The following DLGAP2 variants were observed in gnomAD, a reference collection of about 807,000 sequenced individuals.
DLGAP2 encodes DLG associated protein 2, also known as disks large-associated protein 2.
DLGAP2 carries 26 observed loss-of-function variants against 100.3 expected under a neutral mutation model. The ratio of observed to expected loss-of-function variants is 0.26; its 90% CI spans 0.19 to 0.36. The LOEUF (loss-of-function observed/expected upper bound fraction) is 0.36. DLGAP2 is among the 10% of genes least tolerant of loss of function. The pLI is 1.00. For missense variants in DLGAP2, 1,858 were observed against 1,453.2 expected (o/e 1.28, Z -4.53); for synonymous variants, 886 against 630.1 (o/e 1.41, Z -6.08).
rs67410338 is a variant in DLGAP2 at position 1,537,061 on chromosome 8, CTGGTATGTGGTATG to C, written c.173-11546_173-11533del. ...CAGGAAGTCTCCCAAGGCAGCACCA[CTGGTATGTGGTATG>C]TGGTATGTGGTATGTGGTGTGTGGT... On this transcript the variant is annotated intron_variant, in intron 4 of 14. Transcript: ENST00000637795. Among the ~76,000 whole-genome samples, 221 of 150,656 alleles carry C rather than the reference CTGGTATGTGGTATG, an allele frequency of 1.5e-3. 11 individuals are homozygous for C. In the South Asian group the frequency reaches 0.044, roughly 30 times the overall value.
Position 1,247,775 on chromosome 8 carries a change from G to A in DLGAP2, c.74-11076G>A, listed in dbSNP as rs367748027. On this transcript the variant is annotated intron_variant, in intron 2 of 14. Coordinates refer to ENST00000637795, the MANE Select transcript of DLGAP2 (RefSeq NM_001346810.2). ...GATCAGTGTGGGAGTGATGGCCCAC[G>A]TCGGTGGCCGGGAAGACCTTTGAGA... Among the ~76,000 whole-genome samples, 20 of 5,072 alleles carry A rather than the reference G, an allele frequency of 3.9e-3. 5 individuals are homozygous for A. Among genetic ancestry groups the A allele is most frequent in the South Asian group, 0.01 (2 of 194 alleles). The allele number at this position is 5,072 out of a possible 152,430, so 3.3% of individuals were successfully genotyped here. A position where few individuals can be genotyped will look rare whatever the true frequency, so the allele number is the denominator to read the frequency against.
intron 12 of DLGAP2, among the ~76,000 whole-genome samples, chr8:1,683,595 A>G (rs1799015381): frequency 6.7e-6 from 1 of 149,918 alleles, no homozygotes; most frequent in African/African-American, 2.5e-5. Flanking sequence ...TGCCTCACAC[A>G]TCGCCTGGCA....
intron 2 of DLGAP2, among the ~76,000 whole-genome samples, chr8:952,173 C>T (rs1018598572): frequency 6.6e-6 from 1 of 152,168 alleles, no homozygotes; most frequent in East Asian, 1.9e-4. Flanking sequence ...TAAAATAATC[C>T]GACCCATTTT....
At chr8:1,427,534 C>T (rs936119032) in intron 3 of DLGAP2, among the ~76,000 whole-genome samples, 1 of 152,164 alleles carries the variant, frequency 6.6e-6, no homozygotes, top group Admixed American at 6.5e-5. Flanking sequence ...TTGGCTGTGT[C>T]CCTACCCAAA....
chr8:875,460 T>G (rs563156179), intron 1 of DLGAP2, among the ~76,000 whole-genome samples: 34 of 152,288 alleles, frequency 2.2e-4, no homozygotes, highest in African/African-American at 7.7e-4. Context: ...TCTCATGAGA[T>G]CTGGTGATTT....
At chr8:823,128 G>C (rs909470939) in intron 1 of DLGAP2, among the ~76,000 whole-genome samples, 1 of 152,006 alleles carries the variant, frequency 6.6e-6, no homozygotes, top group African/African-American at 2.4e-5. Flanking sequence ...TCACTTGGTG[G>C]CAGCTTCACA....
chr8:983,854 G>C (rs1431117682), intron 2 of DLGAP2, among the ~76,000 whole-genome samples: 1 of 152,116 alleles, frequency 6.6e-6, no homozygotes, highest in Non-Finnish European at 1.5e-5. Context: ...TGCCCAGGCT[G>C]GTCTTGAACT....
chr8:1,070,865 C>A (rs1389090749), intron 2 of DLGAP2, among the ~76,000 whole-genome samples: 1 of 152,220 alleles, frequency 6.6e-6, no homozygotes, highest in Non-Finnish European at 1.5e-5. Flanking sequence ...CTCGCCCTCA[C>A]TCTCCAGACC....
rs556590876 is a variant in DLGAP2 at position 1,024,880 on chromosome 8, C to A, written c.73+116914C>A. Among the ~76,000 whole-genome samples, 7 of 152,276 alleles carry A rather than the reference C, an allele frequency of 4.6e-5. No individual in the cohort carries two copies. The South Asian group carries it at 1.5e-3, about 32-fold the overall frequency. On this transcript the variant is annotated intron_variant, in intron 2 of 14. Transcript: ENST00000637795. Reference sequence around the variant, plus strand: ...CATTTCCCAACTGCAGCCCTTGATCCTTGTAATAAGGGGAAGCTGGGATAG... The same window carrying A: ...CATTTCCCAACTGCAGCCCTTGATCATTGTAATAAGGGGAAGCTGGGATAG...
At chr8:1,559,903 C>G (rs1033647707) in intron 5 of DLGAP2, among the ~76,000 whole-genome samples, 1 of 152,192 alleles carries the variant, frequency 6.6e-6, no homozygotes, top group Non-Finnish European at 1.5e-5. Flanking sequence ...TAAACCCGGA[C>G]CTCACCCCAG....
chr8:1,444,228 G>A (rs527610225), intron 3 of DLGAP2, among the ~76,000 whole-genome samples: 1 of 152,272 alleles, frequency 6.6e-6, no homozygotes, highest in East Asian at 1.9e-4. Flanking sequence ...TGGGATTATA[G>A]GCATGAGTCA....
rs563371723 is a variant in DLGAP2 at position 1,018,984 on chromosome 8, G to A, written c.73+111018G>A. 10 of 152,192 alleles carry A rather than the reference G, an allele frequency of 6.6e-5. No homozygotes were observed. The East Asian group carries it at 1.2e-3, about 18-fold the overall frequency. 9.4% of individuals were successfully genotyped at this position (152,192 alleles called of 1,614,324 possible). On this transcript the variant is annotated intron_variant, in intron 2 of 14. Transcript: ENST00000637795. Reference sequence around the variant, plus strand: ...CAGCACGGTCAGCAGACAGTGAGACGGGCGCTTGTCCACTCGTCTGACACC... The same window carrying A: ...CAGCACGGTCAGCAGACAGTGAGACAGGCGCTTGTCCACTCGTCTGACACC...
At chr8:826,755 G>T (rs948513470) in intron 1 of DLGAP2, among the ~76,000 whole-genome samples, 1 of 152,102 alleles carries the variant, frequency 6.6e-6, no homozygotes, top group South Asian at 2.1e-4. Flanking sequence ...TCAGTGCTGT[G>T]TTTCTTTGGT....
chr8:1,100,227 T>G (rs1027103065), intron 2 of DLGAP2, among the ~76,000 whole-genome samples: 1 of 148,576 alleles, frequency 6.7e-6, no homozygotes, highest in Non-Finnish European at 1.5e-5. Context: ...AGGGAAAACC[T>G]TTGTCCAGCA....
intron 6 of DLGAP2, among the ~76,000 whole-genome samples, chr8:1,586,633 A>T (rs1319893326): frequency 6.6e-6 from 1 of 152,172 alleles, no homozygotes; most frequent in Non-Finnish European, 1.5e-5. Context: ...ACCAGCGTGG[A>T]AGGCCCTAGG....
At chr8:1,251,490 T>A (rs1799039443) in intron 2 of DLGAP2, among the ~76,000 whole-genome samples, 1 of 152,202 alleles carries the variant, frequency 6.6e-6, no homozygotes, top group Admixed American at 6.5e-5. Context: ...CAGGCTGGAG[T>A]GCACTGGTGT....
chr8:1,412,059 C>T (rs111687726), intron 3 of DLGAP2, among the ~76,000 whole-genome samples: 96 of 152,350 alleles, frequency 6.3e-4, no homozygotes, highest in African/African-American at 2.0e-3. Flanking sequence ...CCCTCACCTC[C>T]CCTGGAGTCA....
chr8:810,327 A>C (rs1310994448), intron 1 of DLGAP2, among the ~76,000 whole-genome samples: 1 of 152,220 alleles, frequency 6.6e-6, no homozygotes, highest in Non-Finnish European at 1.5e-5. Context: ...ATATTGTTTT[A>C]GTCATTAATT....
At chr8:1,038,075 G>A (rs1390946171) in intron 2 of DLGAP2, among the ~76,000 whole-genome samples, 1 of 152,216 alleles carries the variant, frequency 6.6e-6, no homozygotes, top group African/African-American at 2.4e-5. Flanking sequence ...GGTGTCCTCG[G>A]ATGCTGTAGG....
Sources: gnomAD v4.1 joint callset for allele counts (sites outside exome capture counted in the v4.1 genomes callset) on GRCh38, gnomAD v4.1.1 for gene constraint, MANE v1.5 for transcripts, NCBI Gene and HGNC (gene_info 2026-07-23, HGNC 2026-07-21) for gene names.